Variants in CDH22 observed in about 807,000 individuals in gnomAD.
CDH22 encodes cadherin 22, also known as cadherin-22.
CDH22 carries 30 observed loss-of-function variants against 58.4 expected under a neutral mutation model. That is an observed-to-expected ratio of 0.51 (90% CI 0.38 to 0.70). The LOEUF is 0.70. CDH22 is among the 30% of genes least tolerant of loss of function. The pLI is 0.00. For synonymous variants in CDH22, 513 were observed against 558.2 expected (o/e 0.92, Z 1.14); for missense variants, 1,014 against 1,233.9 (o/e 0.82, Z 2.67).
At chr20:46,255,194 T>A (rs565988148) in intron 1 of CDH22, among the ~76,000 whole-genome samples, 36 of 152,162 alleles carry the variant, frequency 2.4e-4, no homozygotes, top group African/African-American at 8.2e-4. Context: ...GCTAATTTTT[T>A]AATTTTTAGT....
chr20:46,202,355 AT>A (rs3082933), intron 7 of CDH22, among the ~76,000 whole-genome samples: 2,426 of 141,692 alleles, frequency 0.017, 19 homozygotes, highest in Non-Finnish European at 0.022. Context: ...CCAGAGTTTA[AT>A]TTTTTTTTTT....
intron 1 of CDH22, among the ~76,000 whole-genome samples, chr20:46,283,602 G>A (rs2086560758): frequency 6.6e-6 from 1 of 152,156 alleles, no homozygotes; most frequent in Non-Finnish European, 1.5e-5. Flanking sequence ...TGAGTCAGCG[G>A]CAGGGAATCC....
intron 1 of CDH22, among the ~76,000 whole-genome samples, chr20:46,266,813 T>C (rs1051663250): frequency 5.9e-5 from 9 of 151,958 alleles, no homozygotes; most frequent in Admixed American, 5.9e-4. Flanking sequence ...TGCCGGTGTA[T>C]AGCAAGGTGA....
chr20:46,288,212 T>G (rs1428301135), intron 1 of CDH22, among the ~76,000 whole-genome samples: 2 of 152,120 alleles, frequency 1.3e-5, no homozygotes, highest in African/African-American at 4.8e-5. Flanking sequence ...TATGAATCAC[T>G]CAAAGCCAGG....
In CDH22 at chr20:46,241,111, C is replaced by A; in HGVS notation, c.402G>T (p.Thr134=). The part of the protein sequence containing the change: ...RLDREQKTFY[T]LRAQARDRAT... The stretch of plus-strand genomic sequence containing the variant: ...CGCGATCCCGAGCCTGGGCCCGCAG[C>A]GTGTAGAAGGTTTTCTGCTCGCGGT... The change falls in exon 3 of 12, where the codon ACG becomes ACT. Residue 134 remains threonine, a synonymous_variant. Coordinates refer to ENST00000537909, the MANE Select transcript of CDH22 (RefSeq NM_021248.3). The surrounding 1 kb of genome is among the most constrained non-coding windows in gnomAD (Gnocchi z 5.2). 6.2e-7 allele frequency: 1 copy of A among 1,614,168 alleles called. No homozygotes were observed. The highest frequency in any genetic ancestry group is 1.1e-5 in the South Asian group (1 of 91,090).
intron 8 of CDH22, among the ~76,000 whole-genome samples, chr20:46,195,273 G>A (rs1488136954): frequency 6.6e-6 from 1 of 152,222 alleles, no homozygotes; most frequent in Non-Finnish European, 1.5e-5. Flanking sequence ...CTGTGTGCCT[G>A]GCCTGTGTGT....
At chr20:46,275,004 G>A (rs919701503) in intron 1 of CDH22, among the ~76,000 whole-genome samples, 23 of 152,172 alleles carry the variant, frequency 1.5e-4, no homozygotes, top group African/African-American at 4.6e-4. Context: ...GGAATGTTCT[G>A]CAACTGCGTG....
In CDH22 at chr20:46,261,641, T is replaced by G. The variant is rs79531806; in HGVS notation, c.-399-9948A>C. Among the ~76,000 whole-genome samples, 7 of 152,288 alleles carry G rather than the reference T, an allele frequency of 4.6e-5. No homozygotes were observed. In the East Asian group the frequency reaches 1.4e-3, roughly 29 times the overall value. ...CAGGGCTGCCAGTGGGAGCGGTGCCTGACAGTCTGGCTCCTGTCTGCCCCC... is the reference window on the plus strand; with the variant it reads ...CAGGGCTGCCAGTGGGAGCGGTGCCGGACAGTCTGGCTCCTGTCTGCCCCC... On this transcript the variant is annotated intron_variant, in intron 1 of 11. Transcript: ENST00000537909.
chr20:46,261,455 A>G (rs1317262542), intron 1 of CDH22, among the ~76,000 whole-genome samples: 2 of 152,220 alleles, frequency 1.3e-5, no homozygotes, highest in Non-Finnish European at 2.9e-5. Flanking sequence ...GAAGAGTTGC[A>G]CAGGGTATGG....
In CDH22 at chr20:46,174,162, C is replaced by T; in HGVS notation, c.*344G>A. ...GGGGTGGGGGCATCTCAGCGGCGTGCTCCCTCCAGCATTCTCCCCCAGGCC... is the reference window on the plus strand; with the variant it reads ...GGGGTGGGGGCATCTCAGCGGCGTGTTCCCTCCAGCATTCTCCCCCAGGCC... On this transcript the variant is annotated 3_prime_UTR_variant, in exon 12 of 12. Coordinates refer to ENST00000537909, the MANE Select transcript of CDH22 (RefSeq NM_021248.3). The surrounding 1 kb of genome is among the most constrained non-coding windows in gnomAD (Gnocchi z 4.4). 1 of 336,922 alleles carries T rather than the reference C, an allele frequency of 3.0e-6. No homozygotes were observed. Among genetic ancestry groups the T allele is most frequent in the South Asian group, 5.9e-5 (1 of 17,062 alleles). The allele number at this position is 336,922 out of a possible 1,614,324, so 20.9% of individuals were successfully genotyped here.
intron 1 of CDH22, among the ~76,000 whole-genome samples, chr20:46,263,886 T>A (rs1361263281): frequency 6.6e-6 from 1 of 152,142 alleles, no homozygotes; most frequent in Admixed American, 6.5e-5. Context: ...CAACTGTGGA[T>A]GTACAAGGCT....
At chr20:46,265,035 A>C (rs1600721234) in intron 1 of CDH22, among the ~76,000 whole-genome samples, 1 of 151,488 alleles carries the variant, frequency 6.6e-6, no homozygotes, top group Non-Finnish European at 1.5e-5. Flanking sequence ...CCCTGCCCCC[A>C]CCCTGCCCGT....
chr20:46,282,740 A>G (rs2145768970), intron 1 of CDH22, among the ~76,000 whole-genome samples: 1 of 151,310 alleles, frequency 6.6e-6, no homozygotes, highest in South Asian at 2.1e-4. Flanking sequence ...TCCCCCAGTG[A>G]GTTCTCCCCC....
chr20:46,285,655 G>A (rs1238610825), intron 1 of CDH22, among the ~76,000 whole-genome samples: 1 of 152,190 alleles, frequency 6.6e-6, no homozygotes, highest in Non-Finnish European at 1.5e-5. Context: ...TCAGAGTTGG[G>A]GATAGAATCC....
chr20:46,252,250 A>G (rs1350544446), intron 1 of CDH22, among the ~76,000 whole-genome samples: 3 of 151,938 alleles, frequency 2.0e-5, no homozygotes, highest in African/African-American at 7.3e-5. Flanking sequence ...TCGTACCCCC[A>G]CACCAGCTTC....
In CDH22 at chr20:46,175,922, A is replaced by G. The variant is rs190040264; in HGVS notation, c.1916-845T>C. 2.2e-4 allele frequency among the ~76,000 whole-genome samples: 33 copies of G among 152,294 alleles called. No homozygotes were observed. The East Asian group carries it at 5.4e-3, about 25-fold the overall frequency. The stretch of plus-strand genomic sequence containing the variant: ...GCTAGGACCTGGGAAATGTTCCTCT[A>G]TCTTGGTGCCTGGCATGCAGTAAGC... On this transcript the variant is annotated intron_variant, in intron 11 of 11. Coordinates refer to ENST00000537909, the MANE Select transcript of CDH22 (RefSeq NM_021248.3).
chr20:46,201,255 CG>C (rs2085959562), intron 7 of CDH22, among the ~76,000 whole-genome samples: 1 of 152,236 alleles, frequency 6.6e-6, no homozygotes, highest in South Asian at 2.1e-4. Context: ...CGCAGCCACC[CG>C]GCCCCTCCCA....
chr20:46,207,250 A>G (rs2145682594), intron 7 of CDH22, among the ~76,000 whole-genome samples: 1 of 152,372 alleles, frequency 6.6e-6, no homozygotes, highest in East Asian at 1.9e-4. Flanking sequence ...CTTTCAGTGC[A>G]GATAAAAGCA....
chr20:46,176,325 C>T (rs1205187045), intron 11 of CDH22, among the ~76,000 whole-genome samples: 2 of 152,232 alleles, frequency 1.3e-5, no homozygotes, highest in African/African-American at 4.8e-5. Flanking sequence ...AACACGCCCT[C>T]TTGTTGACCA....
Sources: gnomAD v4.1 joint callset for allele counts (sites outside exome capture counted in the v4.1 genomes callset) on GRCh38, gnomAD v4.1.1 for gene constraint, Gnocchi (gnomAD v3.1) non-coding constraint, MANE v1.5 for transcripts, NCBI Gene and HGNC (gene_info 2026-07-23, HGNC 2026-07-21) for gene names.